Variants in ASB14 observed in about 807,000 individuals in gnomAD.
ASB14 encodes ankyrin repeat and SOCS box containing 14, also known as ankyrin repeat and SOCS box protein 14.
In ASB14, 63 loss-of-function variants were observed where a neutral mutation model predicts 55.6. The ratio of observed to expected loss-of-function variants is 1.13; its 90% CI spans 0.92 to 1.40. The LOEUF (loss-of-function observed/expected upper bound fraction) is 1.40, where lower values mean the gene tolerates loss of function less well. Among genes scored for constraint, ASB14 ranks in the 40% most tolerant of loss-of-function variants. ASB14 has a pLI of 0.00. For synonymous variants in ASB14, 256 were observed against 259.9 expected (o/e 0.98, Z 0.15); for missense variants, 724 against 710.4 (o/e 1.02, Z -0.22).
rs2060910640 is a variant in ASB14 at position 57,268,490 on chromosome 3, A to G, written c.*1151T>C. 1.2e-6 allele frequency: 2 copies of G among 1,601,446 alleles called. No individual in the cohort carries two copies. The highest frequency in any genetic ancestry group is 1.7e-6 in the Non-Finnish European group (2 of 1,175,914). ...ATAAACAAAAACAGATTGAAAAGGT[A>G]TACAGTCCTAATGTCTGGATCTTTA... On this transcript the variant is annotated 3_prime_UTR_variant, in exon 11 of 11. Transcript: ENST00000487349.
chr3:57,289,259 A>T (rs1398951049), intron 2 of ASB14, 136 bp from the exon 3 acceptor site: 1 of 621,286 alleles, frequency 1.6e-6, no homozygotes, highest in Non-Finnish European at 2.8e-6. Flanking sequence ...TGACTGAGGC[A>T]TAATAGAAAT....
intron 10 of ASB14, among the ~76,000 whole-genome samples, chr3:57,274,372 C>CT (rs2060970466): frequency 6.6e-6 from 1 of 152,190 alleles, no homozygotes; most frequent in Admixed American, 6.5e-5. Flanking sequence ...TCTTTCCTCA[C>CT]TTTCCACACA....
intron 5 of ASB14, among the ~76,000 whole-genome samples, chr3:57,284,682 G>A (rs1432775321): frequency 6.6e-6 from 1 of 152,174 alleles, no homozygotes; most frequent in East Asian, 1.9e-4. Flanking sequence ...TTACATATGT[G>A]ATTTTTCTAC....
intron 2 of ASB14, 56 bp from the exon 3 acceptor site, chr3:57,289,179 C>A: frequency 8.3e-7 from 1 of 1,204,594 alleles, no homozygotes; most frequent in Non-Finnish European, 1.2e-6. Context: ...AAACTGTTAT[C>A]TGATATAAAT....
chr3:57,288,849 G>C (rs1181496310), intron 3 of ASB14: 1 of 379,252 alleles, frequency 2.6e-6, no homozygotes, highest in Non-Finnish European at 4.7e-6. Flanking sequence ...CGAGTAGCTG[G>C]GATTACAGGC....
intron 10 of ASB14, chr3:57,271,335 A>G (rs913749130): frequency 6.6e-6 from 1 of 152,596 alleles, no homozygotes; most frequent in African/African-American, 2.4e-5. Context: ...CTGATGCTTT[A>G]TGTTACCAAA....
chr3:57,285,795 TCCAATCTGGACCTCAGTGC>T (rs1033900456), intron 5 of ASB14, among the ~76,000 whole-genome samples: 1 of 152,152 alleles, frequency 6.6e-6, no homozygotes, highest in African/African-American at 2.4e-5. Context: ...CCTGACCTGT[TCCAATCTGGACCTCAGTGC>T]CTGGTCATGT....
intron 6 of ASB14, 133 bp from the exon 7 acceptor site, chr3:57,280,606 G>A: frequency 2.9e-6 from 2 of 687,626 alleles, no homozygotes; most frequent in Non-Finnish European, 4.5e-6. Flanking sequence ...AAGAATCAAA[G>A]TAACAGAATA....
intron 8 of ASB14, 89 bp from the exon 9 acceptor site, chr3:57,278,009 G>A: frequency 9.0e-6 from 11 of 1,219,674 alleles, no homozygotes; most frequent in Non-Finnish European, 1.3e-5. Context: ...GATGTGGTGT[G>A]ATGAAAGCCA....
chr3:57,292,494 A>T (rs2061141944), intron 1 of ASB14, 139 bp downstream of exon 1: 1 of 153,338 alleles, frequency 6.5e-6, no homozygotes, highest in Admixed American at 6.5e-5. Flanking sequence ...ATAGGAACAA[A>T]TGTATTCTCA....
In ASB14 at chr3:57,288,334, A is replaced by G. The variant is rs145462671; in HGVS notation, c.179-48T>C. On this transcript the variant is annotated intron_variant, in intron 3 of 10. Transcript: ENST00000487349. Reference sequence around the variant, plus strand: ...CAGATTCACATTTGGCACACTTACAAGGAAGCCCATATTGCTTCCTGAATT... The same window carrying G: ...CAGATTCACATTTGGCACACTTACAGGGAAGCCCATATTGCTTCCTGAATT... 1.1e-4 allele frequency: 164 copies of G among 1,525,154 alleles called. 3 individuals carry two copies. In the African/African-American group the frequency reaches 2.0e-3, roughly 18 times the overall value. The allele number at this position is 1,525,154 out of a possible 1,614,324, so 94.5% of individuals were successfully genotyped here.
At position 57,287,646 on chromosome 3, in the gene ASB14, T is replaced by C. The variant is rs191157050; in HGVS notation, c.469+255A>G. Among the ~76,000 whole-genome samples the C allele has an allele frequency of 1.8e-4, 28 of 152,310 alleles. No individual in the cohort carries two copies. The South Asian group carries it at 2.3e-3, about 12-fold the overall frequency. On this transcript the variant is annotated intron_variant, in intron 5 of 10. Transcript: ENST00000487349. ...ATGAGGTAATTCTGCTCCCCTCTGA[T>C]TTTTTGTATCAGAATTAACTGGCTT...
intron 7 of ASB14, among the ~76,000 whole-genome samples, chr3:57,279,420 G>C (rs921800522): frequency 6.6e-6 from 1 of 151,618 alleles, no homozygotes; most frequent in Non-Finnish European, 1.5e-5. Flanking sequence ...TATGTTTAGG[G>C]CTGGGGGTGG....
chr3:57,273,106 C>A (rs2060956988), intron 10 of ASB14: 1 of 152,614 alleles, frequency 6.6e-6, no homozygotes, highest in African/African-American at 2.4e-5. Context: ...TTTAACCAAT[C>A]TCTGTGGCTT....
chr3:57,279,197 C>T (rs972138302), intron 7 of ASB14, among the ~76,000 whole-genome samples: 3 of 149,320 alleles, frequency 2.0e-5, no homozygotes, highest in Non-Finnish European at 3.0e-5. Context: ...TATATCTCTT[C>T]GGTGGCTTCA....
intron 2 of ASB14, among the ~76,000 whole-genome samples, chr3:57,291,137 C>T (rs949383455): frequency 1.3e-5 from 2 of 152,158 alleles, no homozygotes; most frequent in Non-Finnish European, 2.9e-5. Context: ...ATAGTGATCA[C>T]TCCATGGTTT....
At chr3:57,283,886 C>T (rs2061058246) in intron 5 of ASB14, among the ~76,000 whole-genome samples, 1 of 151,212 alleles carries the variant, frequency 6.6e-6, no homozygotes, top group African/African-American at 2.4e-5. Context: ...AAATGAATGA[C>T]TAAAACACAA....
intron 9 of ASB14, among the ~76,000 whole-genome samples, chr3:57,277,097 C>G (rs1431416649): frequency 6.6e-6 from 1 of 152,074 alleles, no homozygotes; most frequent in East Asian, 1.9e-4. Context: ...GAAACCCCGT[C>G]TCTATTAAAA....
intron 2 of ASB14, among the ~76,000 whole-genome samples, chr3:57,289,417 T>G (rs770535428): frequency 2.6e-5 from 4 of 152,212 alleles, no homozygotes; most frequent in Non-Finnish European, 5.9e-5. Flanking sequence ...CAGCGTTGGC[T>G]GAACTGAATC....
Sources: allele counts gnomAD v4.1 joint callset (sites outside exome capture counted in the v4.1 genomes callset), GRCh38; gene constraint gnomAD v4.1.1; transcripts MANE v1.5; gene names NCBI Gene and HGNC (gene_info 2026-07-23, HGNC 2026-07-21).